Variants in ZNF678 observed in about 807,000 individuals in gnomAD.
The protein encoded by ZNF678 is hypothetical protein MGC42493.
A neutral mutation model predicts 3.0 loss-of-function variants in ZNF678; 5 were observed. The ratio of observed to expected loss-of-function variants is 1.69; its 90% CI spans 0.88 to 3.56. ZNF678 has a LOEUF of 3.56. Among genes scored for constraint, ZNF678 ranks in the 30% most tolerant of loss-of-function variants. ZNF678 has a pLI of 0.00. For missense variants in ZNF678, 593 were observed against 605.0 expected (o/e 0.98, Z 0.21); for synonymous variants, 218 against 199.6 (o/e 1.09, Z -0.78).
chr1:227,608,457 A>G (rs1353832373), intron 1 of ZNF678, among the ~76,000 whole-genome samples: 7 of 152,154 alleles, frequency 4.6e-5, no homozygotes, highest in Admixed American at 3.9e-4. Context: ...GAATATTGAA[A>G]ATTATTTGGC....
chr1:227,653,764 A>C (rs892273010), intron 3 of ZNF678, among the ~76,000 whole-genome samples: 30 of 152,038 alleles, frequency 2.0e-4, no homozygotes, highest in African/African-American at 7.2e-4. Flanking sequence ...CATGTGCTAC[A>C]CCTGATGTCT....
chr1:227,597,390 T>C (rs1372663795), intron 1 of ZNF678, among the ~76,000 whole-genome samples: 2 of 152,172 alleles, frequency 1.3e-5, no homozygotes, highest in African/African-American at 4.8e-5. Flanking sequence ...TGCAGAGAGT[T>C]TATTTTTGGC....
chr1:227,603,449 C>T (rs536870550), intron 1 of ZNF678, among the ~76,000 whole-genome samples: 86 of 152,246 alleles, frequency 5.6e-4, no homozygotes, highest in African/African-American at 1.9e-3. Context: ...TGCTATTTGC[C>T]ACCAGCACAG....
At chr1:227,664,098 C>T (rs1178640384), downstream of ZNF678, among the ~76,000 whole-genome samples, 3 of 152,156 alleles carry the variant, frequency 2.0e-5, no homozygotes, top group African/African-American at 7.2e-5. Context: ...ATTAAAAGTT[C>T]TCCAAAGGTT....
chr1:227,625,945 T>C (rs1253475108), intron 1 of ZNF678, among the ~76,000 whole-genome samples: 1 of 152,130 alleles, frequency 6.6e-6, no homozygotes, highest in Non-Finnish European at 1.5e-5. Flanking sequence ...GGTAGAGTTA[T>C]AGTAGTTGTG....
chr1:227,590,314 C>T (rs1657378514), intron 1 of ZNF678, among the ~76,000 whole-genome samples: 1 of 151,660 alleles, frequency 6.6e-6, no homozygotes, highest in Admixed American at 6.6e-5. Flanking sequence ...GTTAAATTTT[C>T]TACAGACTTC....
chr1:227,568,209 A>C (rs984806711), intron 1 of ZNF678, among the ~76,000 whole-genome samples: 1 of 152,180 alleles, frequency 6.6e-6, no homozygotes, highest in African/African-American at 2.4e-5. Flanking sequence ...CTACTGCTAG[A>C]TGACCCTACT....
At position 227,563,611 on chromosome 1, in the gene ZNF678, C is replaced by A. The variant is rs1424509548; in HGVS notation, c.-277C>A. 3.5e-6 allele frequency: 4 copies of A among 1,143,402 alleles called. No homozygotes were observed. The highest frequency in any genetic ancestry group is 1.2e-6 in the Non-Finnish European group (1 of 841,114). 70.8% of individuals were successfully genotyped at this position (1,143,402 alleles called of 1,614,324 possible). A position where few individuals can be genotyped will look rare whatever the true frequency, so the allele number is the denominator to read the frequency against. Reference sequence around the variant, plus strand: ...TCCCGTATTCTCGGCTATTTATCCCCAGCTGCGGGAGGCCCTGGTGACTCT... The same window carrying A: ...TCCCGTATTCTCGGCTATTTATCCCAAGCTGCGGGAGGCCCTGGTGACTCT... On this transcript the variant is annotated 5_prime_UTR_variant, in exon 1 of 4. Transcript: ENST00000343776.
chr1:227,602,729 G>C (rs1195807202), intron 1 of ZNF678, among the ~76,000 whole-genome samples: 1 of 152,176 alleles, frequency 6.6e-6, no homozygotes, highest in Non-Finnish European at 1.5e-5. Context: ...TTTCCTGACT[G>C]TGCAAAAATA....
chr1:227,633,162 C>T (rs896977927), intron 1 of ZNF678, among the ~76,000 whole-genome samples: 4 of 152,154 alleles, frequency 2.6e-5, no homozygotes, highest in Non-Finnish European at 4.4e-5. Context: ...CCTGGCATGG[C>T]GGCAATCAGC....
intron 2 of ZNF678, among the ~76,000 whole-genome samples, chr1:227,649,997 G>A (rs1178190810): frequency 6.6e-6 from 1 of 151,762 alleles, no homozygotes; most frequent in African/African-American, 2.4e-5. Flanking sequence ...TTTTCTTGCT[G>A]TGCAGATGCT....
intron 1 of ZNF678, among the ~76,000 whole-genome samples, chr1:227,620,679 TA>T (rs1268372652): frequency 6.6e-6 from 1 of 152,202 alleles, no homozygotes; most frequent in African/African-American, 2.4e-5. Flanking sequence ...AGTGAGATGG[TA>T]AAAAGTTTGT....
At chr1:227,603,222 A>G (rs1424157592) in intron 1 of ZNF678, among the ~76,000 whole-genome samples, 1 of 152,204 alleles carries the variant, frequency 6.6e-6, no homozygotes, top group South Asian at 2.1e-4. Context: ...CTCCCACGTC[A>G]TGATGGGCAT....
At chr1:227,564,412 C>G (rs1332381396) in intron 1 of ZNF678, among the ~76,000 whole-genome samples, 1 of 152,218 alleles carries the variant, frequency 6.6e-6, no homozygotes, top group African/African-American at 2.4e-5. Flanking sequence ...ACGCAAGACA[C>G]TAGAGCCACC....
rs1349962559 is a variant in ZNF678, at chr1:227,659,722, G to A, written c.*3894G>A. 6.6e-6 allele frequency: 1 copy of A among 152,070 alleles called. No homozygotes were observed. Among genetic ancestry groups the A allele is most frequent in the Admixed American group, 6.6e-5 (1 of 15,260 alleles). 9.4% of individuals were successfully genotyped at this position (152,070 alleles called of 1,614,324 possible). A position where few individuals can be genotyped will look rare whatever the true frequency, so the allele number is the denominator to read the frequency against. On this transcript the variant is annotated 3_prime_UTR_variant, in exon 4 of 4. Coordinates refer to ENST00000343776, the MANE Select transcript of ZNF678 (RefSeq NM_001367909.1). ...TGGAGCATTGCTATCGCTCCATGAT[G>A]TGTTTAAAAATTATTTTTAAATTGA...
chr1:227,671,108 A>C (rs1659594125), intron 5 of ZNF678, among the ~76,000 whole-genome samples: 2 of 130,152 alleles, frequency 1.5e-5, no homozygotes, highest in Admixed American at 8.7e-5. Flanking sequence ...ACAGGATCTC[A>C]CTCTGTTGCT....
chr1:227,582,891 T>C (rs936356618), intron 1 of ZNF678, among the ~76,000 whole-genome samples: 2 of 152,154 alleles, frequency 1.3e-5, no homozygotes, highest in African/African-American at 2.4e-5. Context: ...TGGTCATATA[T>C]ATTTTGTAAA....
chr1:227,645,421 TAATA>T (rs949320284), intron 1 of ZNF678, among the ~76,000 whole-genome samples: 30 of 152,364 alleles, frequency 2.0e-4, no homozygotes, highest in African/African-American at 6.7e-4. Context: ...TGTTTCTGCC[TAATA>T]AATTTATTTC....
intron 1 of ZNF678, among the ~76,000 whole-genome samples, chr1:227,616,416 A>G (rs531988446): frequency 4.6e-5 from 7 of 152,296 alleles, no homozygotes; most frequent in African/African-American, 1.7e-4. Context: ...GCTGTTTCTC[A>G]GTAATTCTTC....
Sources: allele counts gnomAD v4.1 joint callset (sites outside exome capture counted in the v4.1 genomes callset), GRCh38; gene constraint gnomAD v4.1.1; transcripts MANE v1.5; gene names NCBI Gene and HGNC (gene_info 2026-07-23, HGNC 2026-07-21).